Variants in PDZD8 observed in about 807,000 individuals in gnomAD.
PDZD8 encodes the protein PDZ domain-containing protein 8.
Under a neutral mutation model 85.8 loss-of-function variants are expected in PDZD8, and 14 were observed. The ratio of observed to expected loss-of-function variants is 0.16; its 90% CI spans 0.11 to 0.26. PDZD8 has a LOEUF of 0.26. Ranked by LOEUF, PDZD8 falls within the 10% of genes least tolerant of loss-of-function variation. The pLI, the probability that PDZD8 is intolerant of heterozygous loss-of-function variation, is 1.00. For missense variants in PDZD8, 1,197 were observed against 1,424.3 expected (o/e 0.84, Z 2.57); for synonymous variants, 592 against 568.6 (o/e 1.04, Z -0.59).
chr10:117,290,382 CAATGGATTCCTAGT>C (rs1416108323), intron 3 of PDZD8, 34 bp from the exon 4 acceptor site: 2 of 1,518,924 alleles, frequency 1.3e-6, no homozygotes, highest in South Asian at 1.2e-5. Context: ...AAAACTGATT[CAATGGATTCCTAGT>C]AATAGAGGAA....
chr10:117,296,127 A>T (rs1428031048), intron 3 of PDZD8, among the ~76,000 whole-genome samples: 2 of 152,056 alleles, frequency 1.3e-5, no homozygotes, highest in African/African-American at 4.8e-5. Context: ...ATTAAGTCAC[A>T]GACTACAAGG....
chr10:117,360,868 T>C (rs1032318398), intron 1 of PDZD8, among the ~76,000 whole-genome samples: 9 of 152,082 alleles, frequency 5.9e-5, no homozygotes, highest in African/African-American at 2.2e-4. Flanking sequence ...AGACTAGCAG[T>C]TCTTATACAT....
chr10:117,347,062 A>G (rs1844721591), intron 1 of PDZD8, among the ~76,000 whole-genome samples: 1 of 151,802 alleles, frequency 6.6e-6, no homozygotes, highest in African/African-American at 2.4e-5. Context: ...CCTCTCCTAA[A>G]CCCACCCCTC....
At chr10:117,361,258 A>T (rs1418290595) in intron 1 of PDZD8, among the ~76,000 whole-genome samples, 2 of 152,198 alleles carry the variant, frequency 1.3e-5, no homozygotes, top group East Asian at 1.9e-4. Context: ...ATTTTTTTTT[A>T]AATTCTAAGC....
At chr10:117,309,922 G>T (rs1844008161) in intron 3 of PDZD8, among the ~76,000 whole-genome samples, 1 of 152,144 alleles carries the variant, frequency 6.6e-6, no homozygotes, top group African/African-American at 2.4e-5. Context: ...CTCAAATCCA[G>T]CTCTCAATCT....
chr10:117,319,392 AACACACACACACACACAC>A (rs199983551), intron 2 of PDZD8, among the ~76,000 whole-genome samples: 6 of 101,720 alleles, frequency 5.9e-5, no homozygotes, highest in African/African-American at 9.3e-5. Context: ...ATTGCTCATA[AACACACACACACACACAC>A]ACACACACAC....
In PDZD8 at chr10:117,374,727, C is replaced by G; in HGVS notation, c.501G>C (p.Val167=). 4.3e-6 allele frequency: 7 copies of G among 1,610,570 alleles called. No homozygotes were observed. Among genetic ancestry groups the G allele is most frequent in the Non-Finnish European group, 5.9e-6 (7 of 1,178,994 alleles). Residue 167 remains valine (V), a synonymous_variant, in exon 1 of 5, where the codon GTG becomes GTC. Transcript: ENST00000334464. The surrounding 1 kb of genome is among the most constrained non-coding windows in gnomAD (Gnocchi z 7.8). ...CATCGGGCTCCCCGGTGGCCGAGGG[C>G]ACGACTGGCCGCACGAGCCGGATGG... ...IKTIRLVRPV[V]PSATGEPDGP...
At chr10:117,290,424 G>A (rs1589996245) in intron 3 of PDZD8, 76 bp from the exon 4 acceptor site, 1 of 1,181,688 alleles carries the variant, frequency 8.5e-7, no homozygotes, top group Non-Finnish European at 1.2e-6. Flanking sequence ...GTAACAGACT[G>A]TTATGTGCAG....
At chr10:117,318,442 G>A (rs1343622106) in intron 3 of PDZD8, among the ~76,000 whole-genome samples, 1 of 152,062 alleles carries the variant, frequency 6.6e-6, no homozygotes, top group East Asian at 1.9e-4. Context: ...CCCCATGTTA[G>A]TATCACAAGA....
chr10:117,350,374 C>G (rs1844784766), intron 1 of PDZD8, among the ~76,000 whole-genome samples: 1 of 150,710 alleles, frequency 6.6e-6, no homozygotes, highest in South Asian at 2.1e-4. Context: ...AAGCTATTCT[C>G]CTGCCTCAGC....
chr10:117,298,673 C>G (rs1843796007), intron 3 of PDZD8, among the ~76,000 whole-genome samples: 1 of 152,054 alleles, frequency 6.6e-6, no homozygotes, highest in Admixed American at 6.6e-5. Flanking sequence ...ACCTTCTAAA[C>G]TCTACTATCA....
chr10:117,329,412 C>T (rs1473060538), intron 2 of PDZD8, among the ~76,000 whole-genome samples: 1 of 152,094 alleles, frequency 6.6e-6, no homozygotes, highest in Non-Finnish European at 1.5e-5. Flanking sequence ...AATACAAACA[C>T]CACCTAGAAA....
At position 117,277,873 on chromosome 10, in the gene PDZD8, T is replaced by C. The variant is rs1448240327; in HGVS notation, c.*5395A>G. The C allele has an allele frequency of 2.0e-5, 3 of 152,270 alleles. No homozygotes were observed. The highest frequency in any genetic ancestry group is 2.9e-5 in the Non-Finnish European group (2 of 68,046). The allele number at this position is 152,270 out of a possible 1,614,324, so 9.4% of individuals were successfully genotyped here. The stretch of plus-strand genomic sequence containing the variant: ...TAAATCTTAGCTGGCATTAGTTTTC[T>C]ATGTAATCACCTACCTAGAGAGAGT... On this transcript the variant is annotated 3_prime_UTR_variant, in exon 5 of 5. Transcript: ENST00000334464.
chr10:117,363,919 A>G lies in PDZD8; in HGVS notation c.872+10437T>C, dbSNP rs191021929. 7.4e-4 allele frequency among the ~76,000 whole-genome samples: 113 copies of G among 152,316 alleles called. 2 individuals are homozygous for G. Among genetic ancestry groups the G allele is most frequent in the East Asian group, 5.0e-3 (26 of 5,192 alleles). Reference sequence around the variant, plus strand: ...ATTTCATGAAAATTGGCAATTATATACCAGACTAGTAAAAGCAAGTTTGTT... The same window carrying G: ...ATTTCATGAAAATTGGCAATTATATGCCAGACTAGTAAAAGCAAGTTTGTT... On this transcript the variant is annotated intron_variant, in intron 1 of 4. Coordinates refer to ENST00000334464, the MANE Select transcript of PDZD8 (RefSeq NM_173791.5).
intron 3 of PDZD8, among the ~76,000 whole-genome samples, chr10:117,299,414 G>A (rs1041785355): frequency 7.2e-5 from 11 of 152,124 alleles, no homozygotes; most frequent in African/African-American, 2.7e-4. Context: ...CAGTTTTCCA[G>A]ACTTTTAGAT....
intron 3 of PDZD8, among the ~76,000 whole-genome samples, chr10:117,297,317 A>G (rs1843774300): frequency 6.6e-6 from 1 of 152,188 alleles, no homozygotes; most frequent in Admixed American, 6.6e-5. Flanking sequence ...TGATGGGAAT[A>G]TAAAATGGTA....
At position 117,309,800 on chromosome 10, in the gene PDZD8, C is replaced by T. The variant is rs537972742; in HGVS notation, c.1098+9072G>A. ...AATATATTTAATCTCAATTAACCCT[C>T]ATACAACCATAAGAAGCATCAGTCC... On this transcript the variant is annotated intron_variant, in intron 3 of 4. Transcript: ENST00000334464. 2.0e-5 allele frequency among the ~76,000 whole-genome samples: 3 copies of T among 152,266 alleles called. No homozygotes were observed. The South Asian group carries it at 6.2e-4, about 31-fold the overall frequency.
rs1845283347 is a variant in PDZD8 at position 117,375,246 on chromosome 10, C to G, written c.-19G>C. Reference sequence around the variant, plus strand: ...GCCCCATCCCGCCACCGCCTCCGCCCGGGCCCCTACTCCCGCGCCCACAGC... The same window carrying G: ...GCCCCATCCCGCCACCGCCTCCGCCGGGGCCCCTACTCCCGCGCCCACAGC... On this transcript the variant is annotated 5_prime_UTR_variant, in exon 1 of 5. Coordinates refer to ENST00000334464, the MANE Select transcript of PDZD8 (RefSeq NM_173791.5). The G allele has an allele frequency of 6.2e-6, 9 of 1,448,528 alleles. No homozygotes were observed. The highest frequency in any genetic ancestry group is 8.1e-6 in the Non-Finnish European group (9 of 1,105,300). 89.7% of individuals were successfully genotyped at this position (1,448,528 alleles called of 1,614,324 possible). A position where few individuals can be genotyped will look rare whatever the true frequency, so the allele number is the denominator to read the frequency against.
At chr10:117,373,268 A>G (rs2133898916) in intron 1 of PDZD8, among the ~76,000 whole-genome samples, 1 of 152,202 alleles carries the variant, frequency 6.6e-6, no homozygotes, top group South Asian at 2.1e-4. Flanking sequence ...TAAAATCACT[A>G]CCTAGCATTA....
Sources: allele counts gnomAD v4.1 joint callset (sites outside exome capture counted in the v4.1 genomes callset), GRCh38; gene constraint gnomAD v4.1.1; non-coding constraint Gnocchi (gnomAD v3.1); transcripts MANE v1.5; gene names NCBI Gene and HGNC (gene_info 2026-07-23, HGNC 2026-07-21).